CADM2: variants seen among roughly 807,000 people sequenced by gnomAD.
The protein encoded by CADM2 is immunoglobulin superfamily member 4D.
Under a neutral mutation model 49.8 loss-of-function variants are expected in CADM2, and 12 were observed. The ratio of observed to expected loss-of-function variants is 0.24; its 90% CI spans 0.15 to 0.39. CADM2 has a LOEUF of 0.39. Among genes scored for constraint, CADM2 ranks in the 10% least tolerant of loss-of-function variants. The pLI is 1.00. For missense variants in CADM2, 378 were observed against 492.3 expected (o/e 0.77, Z 2.20); for synonymous variants, 214 against 175.4 (o/e 1.22, Z -1.74).
At chr3:86,003,237 A>C (rs1354831900) in intron 8 of CADM2, among the ~76,000 whole-genome samples, 1 of 152,196 alleles carries the variant, frequency 6.6e-6, no homozygotes, top group Admixed American at 6.5e-5. Context: ...AGCTGTGAAG[A>C]AAACTGACTA....
chr3:85,028,782 A>G (rs977875984), intron 1 of CADM2, among the ~76,000 whole-genome samples: 4 of 152,048 alleles, frequency 2.6e-5, no homozygotes, highest in Non-Finnish European at 5.9e-5. Context: ...TCAAGAAATC[A>G]GGAAACAAGA....
intron 2 of CADM2, among the ~76,000 whole-genome samples, chr3:85,769,566 C>CATATATACATATAT (rs2069938339): frequency 1.8e-5 from 1 of 56,760 alleles, no homozygotes; most frequent in African/African-American, 8.2e-5. Flanking sequence ...TATATATACA[C>CATATATACATATAT]GTATATACAT....
chr3:85,434,586 C>A (rs913934600), intron 1 of CADM2, among the ~76,000 whole-genome samples: 1 of 151,948 alleles, frequency 6.6e-6, no homozygotes, highest in African/African-American at 2.4e-5. Context: ...TATTGACTGC[C>A]CAAATTATAA....
At chr3:85,497,189 G>GT (rs1258070658) in intron 1 of CADM2, among the ~76,000 whole-genome samples, 8 of 151,588 alleles carry the variant, frequency 5.3e-5, no homozygotes, top group East Asian at 1.9e-4. Context: ...GGGGTTGCTA[G>GT]TTTTTTTTCT....
chr3:85,434,548 A>C (rs755485472), intron 1 of CADM2, among the ~76,000 whole-genome samples: 20 of 152,064 alleles, frequency 1.3e-4, no homozygotes, highest in Non-Finnish European at 2.1e-4. Flanking sequence ...TATTACCTAC[A>C]CTTTGAATTC....
intron 1 of CADM2, among the ~76,000 whole-genome samples, chr3:85,648,260 G>C (rs1236737710): frequency 1.3e-5 from 2 of 151,890 alleles, no homozygotes; most frequent in South Asian, 2.1e-4. Context: ...GGTTATGCTA[G>C]TTTGTCAAAT....
intron 2 of CADM2, among the ~76,000 whole-genome samples, chr3:85,747,935 C>T (rs903380719): frequency 3.9e-5 from 6 of 151,910 alleles, no homozygotes; most frequent in Admixed American, 2.0e-4. Context: ...TATGAGGAGG[C>T]GTACTAATTG....
intron 1 of CADM2, among the ~76,000 whole-genome samples, chr3:85,547,342 G>A (rs1267372494): frequency 6.6e-6 from 1 of 152,116 alleles, no homozygotes; most frequent in Non-Finnish European, 1.5e-5. Flanking sequence ...TGCGATGGAT[G>A]GCAGCAATTA....
chr3:84,970,965 A>C (rs1343658457), intron 1 of CADM2, among the ~76,000 whole-genome samples: 1 of 152,074 alleles, frequency 6.6e-6, no homozygotes, highest in African/African-American at 2.4e-5. Context: ...TACTGAATTT[A>C]TTCATTATAT....
intron 1 of CADM2, among the ~76,000 whole-genome samples, chr3:85,585,367 G>A (rs1160942625): frequency 6.6e-6 from 1 of 151,714 alleles, no homozygotes; most frequent in African/African-American, 2.4e-5. Flanking sequence ...GTGAAACGGT[G>A]GAAGTTGGTA....
At chr3:85,823,426 C>A (rs1161580085) in intron 3 of CADM2, among the ~76,000 whole-genome samples, 1 of 152,056 alleles carries the variant, frequency 6.6e-6, no homozygotes, top group Non-Finnish European at 1.5e-5. Context: ...TGGTAGCTTG[C>A]CAATCTACTT....
At chr3:85,077,483 C>A (rs1220601944) in intron 1 of CADM2, among the ~76,000 whole-genome samples, 4 of 151,930 alleles carry the variant, frequency 2.6e-5, no homozygotes, top group Non-Finnish European at 4.4e-5. Flanking sequence ...TTTGTATGTG[C>A]ACTGTTGCCC....
chr3:85,666,400 A>C (rs2065569567), intron 1 of CADM2, among the ~76,000 whole-genome samples: 1 of 151,906 alleles, frequency 6.6e-6, no homozygotes, highest in South Asian at 2.1e-4. Context: ...CATGCTACCT[A>C]GCTATAAGCC....
intron 4 of CADM2, 81 bp from the exon 5 acceptor site, chr3:85,886,109 T>C: frequency 6.4e-7 from 1 of 1,566,582 alleles, no homozygotes; most frequent in Non-Finnish European, 8.7e-7. Flanking sequence ...TCCAGTTCAG[T>C]TTCATGTGTG....
intron 1 of CADM2, among the ~76,000 whole-genome samples, chr3:85,310,228 G>A (rs187817575): frequency 6.6e-6 from 1 of 152,120 alleles, no homozygotes; most frequent in South Asian, 2.1e-4. Context: ...GACAATATTT[G>A]CATGTGAAAA....
intron 1 of CADM2, among the ~76,000 whole-genome samples, chr3:85,355,879 T>A (rs1446991157): frequency 6.6e-6 from 1 of 152,094 alleles, no homozygotes; most frequent in Non-Finnish European, 1.5e-5. Context: ...CAAATCTGAA[T>A]GACTGCTGCA....
chr3:85,513,208 G>T (rs982527242), intron 1 of CADM2, among the ~76,000 whole-genome samples: 1 of 151,930 alleles, frequency 6.6e-6, no homozygotes, highest in Non-Finnish European at 1.5e-5. Flanking sequence ...GGCATTTTTA[G>T]AGATGCAAAA....
At chr3:85,274,772 G>GA in intron 1 of CADM2, among the ~76,000 whole-genome samples, 1 of 151,434 alleles carries the variant, frequency 6.6e-6, no homozygotes, top group East Asian at 1.9e-4. Context: ...TGGAGCATCT[G>GA]AAAAAGGAAT....
intron 1 of CADM2, among the ~76,000 whole-genome samples, chr3:85,156,847 G>A (rs2040142311): frequency 2.0e-5 from 3 of 152,114 alleles, no homozygotes; most frequent in Non-Finnish European, 4.4e-5. Context: ...AGGGCAATTA[G>A]GCAGGAGAAG....
Sources: gnomAD v4.1 joint callset for allele counts (sites outside exome capture counted in the v4.1 genomes callset) on GRCh38, gnomAD v4.1.1 for gene constraint, MANE v1.5 for transcripts, NCBI Gene and HGNC (gene_info 2026-07-23, HGNC 2026-07-21) for gene names.